The following ZPLD1 variants were observed in gnomAD, a reference collection of about 807,000 sequenced individuals.
ZPLD1 encodes zona pellucida like domain containing 1, also known as zona pellucida-like domain-containing protein 1.
In ZPLD1, 34 loss-of-function variants were observed where a neutral mutation model predicts 47.2. The ratio of observed to expected loss-of-function variants is 0.72; its 90% CI spans 0.55 to 0.96. ZPLD1 has a LOEUF of 0.96. Ranked by LOEUF, ZPLD1 falls within the 40% of genes least tolerant of loss-of-function variation. The pLI, the probability that ZPLD1 is intolerant of heterozygous loss-of-function variation, is 0.00. For synonymous variants in ZPLD1, 176 were observed against 186.2 expected (o/e 0.95, Z 0.45); for missense variants, 512 against 505.8 (o/e 1.01, Z -0.12).
chr3:102,419,322 G>T (rs1056669869), intron 8 of ZPLD1, among the ~76,000 whole-genome samples: 1 of 151,678 alleles, frequency 6.6e-6, no homozygotes, highest in East Asian at 1.9e-4. Flanking sequence ...GTTTCCCTAT[G>T]TAAGTTTTTA....
intron 6 of ZPLD1, among the ~76,000 whole-genome samples, chr3:102,458,803 C>T (rs943391159): frequency 1.2e-4 from 18 of 152,112 alleles, no homozygotes; most frequent in Non-Finnish European, 2.4e-4. Flanking sequence ...CAAAGAGAAG[C>T]TGTCGGCCGG....
rs917650655 is a variant in ZPLD1 at position 102,479,672 on chromosome 3, G to A, written c.*2054G>A. 3 of 152,072 alleles carry A rather than the reference G, an allele frequency of 2.0e-5. No homozygotes were observed. Among genetic ancestry groups the A allele is most frequent in the African/African-American group, 7.2e-5 (3 of 41,420 alleles). 9.4% of individuals were successfully genotyped at this position (152,072 alleles called of 1,614,324 possible). A position where few individuals can be genotyped will look rare whatever the true frequency, so the allele number is the denominator to read the frequency against. ...GTTCTTATAAATCTGCAGTTATATGGAGTATTTAGTTATACTGAATTTTAC... is the reference window on the plus strand; with the variant it reads ...GTTCTTATAAATCTGCAGTTATATGAAGTATTTAGTTATACTGAATTTTAC... On this transcript the variant is annotated 3_prime_UTR_variant, in exon 12 of 12. Transcript: ENST00000466937.
chr3:102,452,877 C>T (rs745374721), intron 3 of ZPLD1, 42 bp from the exon 4 acceptor site: 16 of 1,595,776 alleles, frequency 1.0e-5, no homozygotes, highest in Admixed American at 6.7e-5. Context: ...TATCTTTCTG[C>T]TTTTCTGACT....
intron 4 of ZPLD1, among the ~76,000 whole-genome samples, chr3:102,453,726 A>G (rs1707373672): frequency 6.6e-6 from 1 of 152,238 alleles, no homozygotes; most frequent in South Asian, 2.1e-4. Flanking sequence ...AAATCCCAGT[A>G]GCACACTCTC....
At chr3:102,458,126 T>G (rs756029777) in intron 6 of ZPLD1, among the ~76,000 whole-genome samples, 9 of 152,194 alleles carry the variant, frequency 5.9e-5, no homozygotes, top group Admixed American at 1.3e-4. Context: ...TACATTTACA[T>G]GTATTTATTT....
upstream of ZPLD1, among the ~76,000 whole-genome samples, chr3:102,434,040 A>G (rs1260863774): frequency 6.6e-6 from 1 of 152,232 alleles, no homozygotes; most frequent in Non-Finnish European, 1.5e-5. Flanking sequence ...ATAATGTAAT[A>G]ATTCCAAATG....
intron 7 of ZPLD1, among the ~76,000 whole-genome samples, chr3:102,403,272 T>C (rs1376412597): frequency 6.6e-6 from 1 of 152,012 alleles, no homozygotes; most frequent in Non-Finnish European, 1.5e-5. Context: ...ATCTACTCCC[T>C]GATTCTTAGG....
intron 6 of ZPLD1, 75 bp from the exon 7 acceptor site, chr3:102,462,206 A>T (rs1707516841): frequency 2.3e-6 from 2 of 875,364 alleles, no homozygotes; most frequent in Admixed American, 4.9e-5. Context: ...TTCTCTCTCT[A>T]ATATTGTTGT....
At chr3:102,405,092 A>T (rs1373427587) in intron 7 of ZPLD1, among the ~76,000 whole-genome samples, 1 of 152,000 alleles carries the variant, frequency 6.6e-6, no homozygotes, top group African/African-American at 2.4e-5. Context: ...TTGCTATATT[A>T]CAAGTATTGT....
chr3:102,395,764 T>C (rs1014059791), intron 7 of ZPLD1, among the ~76,000 whole-genome samples: 8 of 152,176 alleles, frequency 5.3e-5, no homozygotes, highest in Non-Finnish European at 1.2e-4. Context: ...ACAAAACTAA[T>C]TTCATAAGAC....
At chr3:102,438,660 A>G in intron 3 of ZPLD1, 67 bp downstream of exon 3, 1 of 1,202,154 alleles carries the variant, frequency 8.3e-7, no homozygotes, top group Non-Finnish European at 1.2e-6. Context: ...AGAGCAAGTC[A>G]TTTAAATATA....
At chr3:102,393,928 A>T (rs1398488205) in intron 7 of ZPLD1, among the ~76,000 whole-genome samples, 1 of 152,184 alleles carries the variant, frequency 6.6e-6, no homozygotes, top group Non-Finnish European at 1.5e-5. Context: ...AATCTTTGAT[A>T]GGTTGAAAAT....
intron 4 of ZPLD1, among the ~76,000 whole-genome samples, chr3:102,455,067 G>A (rs1054349154): frequency 6.6e-6 from 1 of 152,146 alleles, no homozygotes; most frequent in Non-Finnish European, 1.5e-5. Context: ...TAAGTCTCTG[G>A]ATTGGAATAA....
chr3:102,452,274 T>C (rs1235468212), intron 3 of ZPLD1, among the ~76,000 whole-genome samples: 1 of 150,542 alleles, frequency 6.6e-6, no homozygotes, highest in Admixed American at 6.6e-5. Context: ...TTTTTTTTAC[T>C]GAGGCATGCA....
rs1302243446 is a variant in ZPLD1, at chr3:102,479,415, G to C, written c.*1797G>C. ...ATTCTACGATTAAGTTCTGTGAATA[G>C]GACATTATATCATTTAAGCTGTTTT... On this transcript the variant is annotated 3_prime_UTR_variant, in exon 12 of 12. Transcript: ENST00000466937. 6.6e-6 allele frequency: 1 copy of C among 152,144 alleles called. No homozygotes were observed. Among genetic ancestry groups the C allele is most frequent in the East Asian group, 1.9e-4 (1 of 5,200 alleles). The allele number at this position is 152,144 out of a possible 1,614,324, so 9.4% of individuals were successfully genotyped here. A position where few individuals can be genotyped will look rare whatever the true frequency, so the allele number is the denominator to read the frequency against.
At chr3:102,392,996 A>G (rs563731779) in intron 7 of ZPLD1, among the ~76,000 whole-genome samples, 2 of 152,322 alleles carry the variant, frequency 1.3e-5, no homozygotes, top group African/African-American at 4.8e-5. Flanking sequence ...CATGCATACT[A>G]TCTTCTTTCC....
intron 3 of ZPLD1, among the ~76,000 whole-genome samples, chr3:102,451,179 A>G (rs566030576): frequency 1.3e-5 from 2 of 152,230 alleles, no homozygotes; most frequent in South Asian, 4.1e-4. Context: ...CTTTGCTAGG[A>G]AAAAAACCCA....
At chr3:102,443,685 A>C (rs532743611) in intron 3 of ZPLD1, among the ~76,000 whole-genome samples, 1 of 152,210 alleles carries the variant, frequency 6.6e-6, no homozygotes, top group Non-Finnish European at 1.5e-5. Flanking sequence ...AAAATTGAGA[A>C]TCAATTATTT....
intron 2 of ZPLD1, 142 bp from the exon 3 acceptor site, chr3:102,438,338 T>A: frequency 1.7e-6 from 1 of 586,786 alleles, no homozygotes; most frequent in Non-Finnish European, 3.1e-6. Flanking sequence ...CTACCGATAA[T>A]CCTCAGTTAT....
Sources: gnomAD v4.1 joint callset for allele counts (sites outside exome capture counted in the v4.1 genomes callset) on GRCh38, gnomAD v4.1.1 for gene constraint, MANE v1.5 for transcripts, NCBI Gene and HGNC (gene_info 2026-07-23, HGNC 2026-07-21) for gene names.